GREB1: variants seen among roughly 807,000 people sequenced by gnomAD.
The protein encoded by GREB1 is growth regulating estrogen receptor binding 1, also known as protein GREB1.
GREB1 carries 106 observed loss-of-function variants against 200.7 expected under a neutral mutation model. The ratio of observed to expected loss-of-function variants is 0.53; its 90% CI spans 0.45 to 0.62. The LOEUF is 0.62. Ranked by LOEUF, GREB1 falls within the 20% of genes least tolerant of loss-of-function variation. The probability of loss-of-function intolerance (pLI) is 0.00; values close to 1 mark genes in which losing one functional copy is unlikely to be tolerated. For synonymous variants in GREB1, 1,132 were observed against 1,092.4 expected, an observed-to-expected ratio of 1.04 and a Z score of -0.72; for missense variants, 2,243 against 2,556.8, an observed-to-expected ratio of 0.88 and a Z score of 2.65.
intron 1 of GREB1, among the ~76,000 whole-genome samples, chr2:11,501,919 T>TTTTTTTTTTTTTTTTTTTTG: frequency 8.7e-6 from 1 of 115,092 alleles, no homozygotes; most frequent in Non-Finnish European, 1.8e-5. Flanking sequence ...TTTTTTTTTT[T>TTTTTTTTTTTTTTTTTTTTG]TTTTTTTTTT....
rs141740705 is a variant in GREB1 at position 11,547,994 on chromosome 2, C to T, written c.-161-8460C>T. Among the ~76,000 whole-genome samples the T allele has an allele frequency of 5.0e-3, 764 of 152,186 alleles. 11 individuals carry two copies. Among genetic ancestry groups the T allele is most frequent in the Middle Eastern group, 0.024 (7 of 294 alleles). On this transcript the variant is annotated intron_variant, in intron 1 of 32. Coordinates refer to ENST00000381486, the MANE Select transcript of GREB1 (RefSeq NM_014668.4). ...CCGAGGAGTTTGAGACCAGCCTGGGCAACCTAGCAAGACCTCTGTCCTTAC... is the reference window on the plus strand; with the variant it reads ...CCGAGGAGTTTGAGACCAGCCTGGGTAACCTAGCAAGACCTCTGTCCTTAC...
chr2:11,497,547 A>G (rs974663693), intron 1 of GREB1, among the ~76,000 whole-genome samples: 1 of 152,224 alleles, frequency 6.6e-6, no homozygotes, highest in Non-Finnish European at 1.5e-5. Flanking sequence ...AGAAACTATA[A>G]AAGAGTTTTC....
At chr2:11,555,495 C>A (rs1676342748) in intron 1 of GREB1, among the ~76,000 whole-genome samples, 1 of 152,194 alleles carries the variant, frequency 6.6e-6, no homozygotes, top group African/African-American at 2.4e-5. Context: ...CCCATCCCTT[C>A]CCATCTGCAA....
At chr2:11,539,970 G>C (rs755749538) in intron 1 of GREB1, 2 of 152,416 alleles carry the variant, frequency 1.3e-5, no homozygotes, top group East Asian at 3.9e-4. Context: ...CGCGCCCCAC[G>C]CATCCTCTTC....
intron 1 of GREB1, among the ~76,000 whole-genome samples, chr2:11,483,115 G>T (rs1418609067): frequency 6.6e-6 from 1 of 152,048 alleles, no homozygotes; most frequent in South Asian, 2.1e-4. Context: ...GAGGTGGAAG[G>T]TGTCCGGGAT....
In GREB1 at chr2:11,562,980, C is replaced by CT. The variant is rs893489993; in HGVS notation, c.277+410dup. Reference sequence around the variant, plus strand: ...TAGGAGGAATAATCTTTCTTTCTTTCTTTTTTTTTTTTGACGGAATCTCAC... The same window carrying CT: ...TAGGAGGAATAATCTTTCTTTCTTTCTTTTTTTTTTTTTGACGGAATCTCAC... On this transcript the variant is annotated intron_variant, in intron 3 of 32. Transcript: ENST00000381486. The CT allele has an allele frequency of 2.9e-3, 429 of 147,952 alleles. 1 individual carries two copies. Among genetic ancestry groups the CT allele is most frequent in the Non-Finnish European group, 4.0e-3 (269 of 67,002 alleles). The allele number at this position is 147,952 out of a possible 1,614,324, so 9.2% of individuals were successfully genotyped here. A position where few individuals can be genotyped will look rare whatever the true frequency, so the allele number is the denominator to read the frequency against.
At chr2:11,574,461 C>A (rs1309728262) in intron 4 of GREB1, among the ~76,000 whole-genome samples, 1 of 152,076 alleles carries the variant, frequency 6.6e-6, no homozygotes, top group South Asian at 2.1e-4. Flanking sequence ...GGTGGGGCCC[C>A]CAGAGGAAAG....
chr2:11,559,338 G>A (rs1676751640), intron 2 of GREB1, among the ~76,000 whole-genome samples: 1 of 152,138 alleles, frequency 6.6e-6, no homozygotes, highest in Non-Finnish European at 1.5e-5. Flanking sequence ...TGTTGCTGGC[G>A]GATCTTCCCA....
intron 1 of GREB1, among the ~76,000 whole-genome samples, chr2:11,525,136 T>A (rs1673828659): frequency 6.6e-6 from 1 of 152,226 alleles, no homozygotes; most frequent in African/African-American, 2.4e-5. Context: ...AATATGATTA[T>A]TGATACGTGA....
At chr2:11,564,446 G>A (rs1490582628) in intron 3 of GREB1, among the ~76,000 whole-genome samples, 1 of 152,244 alleles carries the variant, frequency 6.6e-6, no homozygotes, top group Non-Finnish European at 1.5e-5. Context: ...CCGGGAGGCT[G>A]AGGCAGGAGG....
intron 30 of GREB1, 150 bp downstream of exon 30, chr2:11,635,555 A>G (rs773499065): frequency 2.2e-5 from 17 of 776,512 alleles, no homozygotes; most frequent in Non-Finnish European, 3.2e-5. Context: ...AAGGTTTTTA[A>G]TCGGCATTGA....
At chr2:11,586,826 A>T (rs1376141993) in intron 9 of GREB1, among the ~76,000 whole-genome samples, 1 of 152,156 alleles carries the variant, frequency 6.6e-6, no homozygotes, top group African/African-American at 2.4e-5. Context: ...CCTTAGCATG[A>T]CGCAGGACCA....
chr2:11,552,983 C>A (rs1447995108), intron 1 of GREB1, among the ~76,000 whole-genome samples: 1 of 134,712 alleles, frequency 7.4e-6, no homozygotes, highest in Non-Finnish European at 1.5e-5. Context: ...GCACTCCAGC[C>A]TGGGCGACAG....
Position 11,493,067 on chromosome 2 carries a change from A to G in GREB1, c.-159+10686A>G, listed in dbSNP as rs1672805693. Among the ~76,000 whole-genome samples, 1 of 152,228 alleles carries G rather than the reference A, an allele frequency of 6.6e-6. No homozygotes were observed. Among genetic ancestry groups the G allele is most frequent in the Non-Finnish European group, 1.5e-5 (1 of 68,034 alleles). On this transcript the variant is annotated intron_variant, in intron 1 of 2. Coordinates refer to the GREB1 transcript ENST00000628795. The surrounding 1 kb of genome is among the most constrained non-coding windows in gnomAD (Gnocchi z 4.6). ...CAATTGTCCCAAGATGATTGATCGT[A>G]CAAACCTATCAATGAAGACACCTTG...
At chr2:11,516,644 G>A (rs1173667051) in intron 1 of GREB1, among the ~76,000 whole-genome samples, 1 of 151,914 alleles carries the variant, frequency 6.6e-6, no homozygotes, top group East Asian at 1.9e-4. Context: ...AAGGCTGTGG[G>A]CCCATGCGGT....
intron 4 of GREB1, 32 bp from the exon 5 acceptor site, chr2:11,576,318 AAAG>A: frequency 1.3e-6 from 2 of 1,553,096 alleles, no homozygotes; most frequent in Non-Finnish European, 1.7e-6. Context: ...AAAAAAAAAA[AAAG>A]AAAGATGTTT....
At chr2:11,614,124 G>GTTT (rs1558636075) in intron 19 of GREB1, among the ~76,000 whole-genome samples, 6 of 133,400 alleles carry the variant, frequency 4.5e-5, no homozygotes, top group Non-Finnish European at 3.1e-5. Flanking sequence ...AGCGGACTTA[G>GTTT]ATTTTTTTTT....
At chr2:11,542,398 C>T (rs558387830) in intron 1 of GREB1, among the ~76,000 whole-genome samples, 6 of 152,218 alleles carry the variant, frequency 3.9e-5, no homozygotes, top group Admixed American at 1.3e-4. Flanking sequence ...GGATCTGCAG[C>T]GTGGGATCAT....
chr2:11,530,263 G>C (rs963108391), upstream of GREB1, among the ~76,000 whole-genome samples: 2 of 151,840 alleles, frequency 1.3e-5, no homozygotes, highest in African/African-American at 4.8e-5. Context: ...GGTTTCACCA[G>C]GTTGCCCAGG....
Sources: gnomAD v4.1 joint callset for allele counts (sites outside exome capture counted in the v4.1 genomes callset) on GRCh38, gnomAD v4.1.1 for gene constraint, Gnocchi (gnomAD v3.1) non-coding constraint, MANE v1.5 for transcripts, NCBI Gene and HGNC (gene_info 2026-07-23, HGNC 2026-07-21) for gene names.